DNTTIP1: variants seen among roughly 807,000 people sequenced by gnomAD.
DNTTIP1 encodes deoxynucleotidyltransferase terminal-interacting protein 1.
DNTTIP1 carries 22 observed loss-of-function variants against 52.9 expected under a neutral mutation model. The ratio of observed to expected loss-of-function variants is 0.42; its 90% CI spans 0.30 to 0.59. DNTTIP1 has a LOEUF of 0.59. DNTTIP1 is among the 20% of genes least tolerant of loss of function. The pLI, the probability that DNTTIP1 is intolerant of heterozygous loss-of-function variation, is 0.22. For synonymous variants in DNTTIP1, 136 were observed against 155.1 expected (o/e 0.88, Z 0.92); for missense variants, 286 against 435.5 (o/e 0.66, Z 3.06).
intron 7 of DNTTIP1, among the ~76,000 whole-genome samples, chr20:45,802,278 A>AG (rs1416583536): frequency 3.3e-5 from 5 of 152,144 alleles, no homozygotes; most frequent in Non-Finnish European, 1.5e-5. Context: ...TGAAAGATTA[A>AG]ACTCCAGAGG....
intron 4 of DNTTIP1, among the ~76,000 whole-genome samples, chr20:45,799,650 T>C (rs975621146): frequency 6.6e-6 from 1 of 152,088 alleles, no homozygotes; most frequent in Non-Finnish European, 1.5e-5. Flanking sequence ...TCTGCCTGGG[T>C]TTTTTTCTTT....
In DNTTIP1 at chr20:45,809,029, C is replaced by A; in HGVS notation, c.724-85C>A. 8.1e-7 allele frequency: 1 copy of A among 1,227,884 alleles called. No homozygotes were observed. The highest frequency in any genetic ancestry group is 1.2e-6 in the Non-Finnish European group (1 of 839,252). The allele number at this position is 1,227,884 out of a possible 1,614,324, so 76.1% of individuals were successfully genotyped here. On this transcript the variant is annotated intron_variant, in intron 10 of 12. Coordinates refer to ENST00000372622, the MANE Select transcript of DNTTIP1 (RefSeq NM_052951.3). The surrounding 1 kb of genome is among the most constrained non-coding windows in gnomAD (Gnocchi z 4.2). ...AGACAAGGACTTTTGGTAAGAACTG[C>A]TCAAGGGCCAAGAGTATGCTCTGGG...
At chr20:45,799,952 CAAAAAAA>C (rs11360135) in intron 4 of DNTTIP1, among the ~76,000 whole-genome samples, 2 of 125,490 alleles carry the variant, frequency 1.6e-5, no homozygotes, top group Middle Eastern at 4.0e-3. Context: ...CTAAAAATAC[CAAAAAAA>C]AAAAAAAAAA....
chr20:45,792,816 T>A, intron 2 of DNTTIP1, 69 bp downstream of exon 2: 3 of 1,423,390 alleles, frequency 2.1e-6, no homozygotes, highest in Non-Finnish European at 2.9e-6. Flanking sequence ...GGATCCCCAG[T>A]GCACAAGGCT....
intron 3 of DNTTIP1, among the ~76,000 whole-genome samples, chr20:45,795,055 C>T (rs1048818825): frequency 1.2e-4 from 19 of 152,074 alleles, no homozygotes; most frequent in African/African-American, 4.1e-4. Flanking sequence ...ACCTCGGCCT[C>T]GCAAAGTGCT....
chr20:45,792,121 C>A lies in DNTTIP1; in HGVS notation c.105+12C>A. The A allele has an allele frequency of 7.9e-7, 1 of 1,262,570 alleles. No individual in the cohort carries two copies. Among genetic ancestry groups the A allele is most frequent in the East Asian group, 2.9e-5 (1 of 34,882 alleles). The allele number at this position is 1,262,570 out of a possible 1,614,324, so 78.2% of individuals were successfully genotyped here. A position where few individuals can be genotyped will look rare whatever the true frequency, so the allele number is the denominator to read the frequency against. On this transcript the variant is annotated intron_variant, in intron 1 of 12. Coordinates refer to ENST00000372622, the MANE Select transcript of DNTTIP1 (RefSeq NM_052951.3). ...AGCTGGTTCTTACGGTGAGGGCGCC[C>A]CCGGTGAGGTCTGGGCTCAGGCCGG...
At chr20:45,802,539 A>G (rs903289437) in intron 7 of DNTTIP1, among the ~76,000 whole-genome samples, 5 of 152,108 alleles carry the variant, frequency 3.3e-5, no homozygotes, top group African/African-American at 1.2e-4. Flanking sequence ...AGAGGAAGGT[A>G]CAGACATATC....
chr20:45,801,042 T>G, intron 4 of DNTTIP1, 32 bp from the exon 5 acceptor site: 1 of 1,601,518 alleles, frequency 6.2e-7, no homozygotes, highest in Non-Finnish European at 8.5e-7. Context: ...ACCAAAATAG[T>G]GACTGGTAAC....
intron 10 of DNTTIP1, among the ~76,000 whole-genome samples, chr20:45,807,217 G>A (rs947493901): frequency 1.3e-5 from 2 of 152,002 alleles, no homozygotes; most frequent in African/African-American, 4.8e-5. Flanking sequence ...CCACCTCCTG[G>A]GTTCAAGCAA....
intron 11 of DNTTIP1, among the ~76,000 whole-genome samples, chr20:45,810,457 T>C (rs1386596709): frequency 6.6e-6 from 1 of 152,182 alleles, no homozygotes; most frequent in Non-Finnish European, 1.5e-5. Flanking sequence ...CCTGTTTCCA[T>C]ATATATTTTG....
At chr20:45,807,954 A>C (rs1224746771) in intron 10 of DNTTIP1, among the ~76,000 whole-genome samples, 2 of 151,922 alleles carry the variant, frequency 1.3e-5, no homozygotes, top group Non-Finnish European at 2.9e-5. Flanking sequence ...TCTGTCTCAA[A>C]AAATATATAT....
At position 45,800,724 on chromosome 20, in the gene DNTTIP1, T is replaced by A. The variant is rs866469578; in HGVS notation, c.373-350T>A. On this transcript the variant is annotated intron_variant, in intron 4 of 12. Coordinates refer to ENST00000372622, the MANE Select transcript of DNTTIP1 (RefSeq NM_052951.3). ...ATATATATATATATATATATATATA[T>A]ATATATATATATATATATATATATA... Among the ~76,000 whole-genome samples, 72 of 18,148 alleles carry A rather than the reference T, an allele frequency of 4.0e-3. 7 individuals are homozygous for A. Among genetic ancestry groups the A allele is most frequent in the East Asian group, 0.025 (6 of 242 alleles). 11.9% of individuals were successfully genotyped at this position (18,148 alleles called of 152,430 possible).
intron 4 of DNTTIP1, among the ~76,000 whole-genome samples, chr20:45,798,134 A>G (rs1272167917): frequency 3.9e-5 from 6 of 152,248 alleles, no homozygotes; most frequent in African/African-American, 1.4e-4. Flanking sequence ...CATATATACC[A>G]TGGAATACTA....
chr20:45,792,458 C>A, intron 1 of DNTTIP1: 1 of 502,576 alleles, frequency 2.0e-6, no homozygotes. Flanking sequence ...TTCCTCCTGC[C>A]GTGCCAGAAG....
chr20:45,808,650 A>G (rs1172797970), intron 10 of DNTTIP1, among the ~76,000 whole-genome samples: 5 of 150,248 alleles, frequency 3.3e-5, no homozygotes, highest in South Asian at 4.3e-4. Flanking sequence ...CAATCGATCA[A>G]TCAATCAATC....
intron 4 of DNTTIP1, among the ~76,000 whole-genome samples, chr20:45,799,209 A>G (rs960617341): frequency 1.3e-5 from 2 of 152,244 alleles, no homozygotes; most frequent in Non-Finnish European, 2.9e-5. Context: ...GTGAGAGCAG[A>G]TAGAATATGT....
intron 7 of DNTTIP1, 92 bp downstream of exon 7, chr20:45,802,149 A>G: frequency 7.3e-7 from 1 of 1,379,284 alleles, no homozygotes; most frequent in South Asian, 1.2e-5. Context: ...TGTGCCTGTC[A>G]AAATCAGATC....
At chr20:45,798,061 A>G (rs1487792761) in intron 4 of DNTTIP1, among the ~76,000 whole-genome samples, 2 of 152,242 alleles carry the variant, frequency 1.3e-5, no homozygotes, top group Non-Finnish European at 1.5e-5. Context: ...TATTCACAAT[A>G]GCAAAGACTT....
chr20:45,807,554 C>A (rs563341817), intron 10 of DNTTIP1, among the ~76,000 whole-genome samples: 6 of 152,280 alleles, frequency 3.9e-5, no homozygotes, highest in South Asian at 2.1e-4. Flanking sequence ...TATTCAAATT[C>A]TTTTCCTTTT....
Sources: allele counts gnomAD v4.1 joint callset (sites outside exome capture counted in the v4.1 genomes callset), GRCh38; gene constraint gnomAD v4.1.1; non-coding constraint Gnocchi (gnomAD v3.1); transcripts MANE v1.5; gene names NCBI Gene and HGNC (gene_info 2026-07-23, HGNC 2026-07-21).